Variants in BCL2L14 observed in about 807,000 individuals in gnomAD.
BCL2L14 encodes the protein apoptosis facilitator Bcl-2-like protein 14.
In BCL2L14, 27 loss-of-function variants were observed where a neutral mutation model predicts 35.3. The ratio of observed to expected loss-of-function variants is 0.76; its 90% CI spans 0.56 to 1.05. BCL2L14 has a LOEUF of 1.05. BCL2L14 is among the 50% of genes least tolerant of loss of function. The pLI is 0.00. For synonymous variants in BCL2L14, 139 were observed against 145.9 expected, an observed-to-expected ratio of 0.95 and a Z score of 0.34; for missense variants, 377 against 382.6, an observed-to-expected ratio of 0.99 and a Z score of 0.12.
At chr12:12,068,056 G>T, upstream of BCL2L14, 1 of 393,828 alleles carries the variant, frequency 2.5e-6, no homozygotes, top group Non-Finnish European at 4.5e-6. Context: ...CAATCCTCCC[G>T]CCTCAGTCTC....
chr12:12,089,699 C>T (rs1223956153), intron 3 of BCL2L14, among the ~76,000 whole-genome samples: 4 of 152,146 alleles, frequency 2.6e-5, no homozygotes, highest in Admixed American at 2.6e-4. Context: ...CTCACATACT[C>T]CACTGCACCC....
chr12:12,077,385 A>G (rs1453070082), intron 1 of BCL2L14, among the ~76,000 whole-genome samples: 5 of 152,058 alleles, frequency 3.3e-5, no homozygotes, highest in Non-Finnish European at 7.4e-5. Context: ...CTAAAAGACA[A>G]AACAAAAAAA....
intron 2 of BCL2L14, among the ~76,000 whole-genome samples, chr12:12,084,757 T>C (rs927094889): frequency 6.6e-6 from 1 of 152,130 alleles, no homozygotes; most frequent in African/African-American, 2.4e-5. Context: ...TGCTTATAGT[T>C]TCTCCTGGAC....
intron 2 of BCL2L14, among the ~76,000 whole-genome samples, chr12:12,063,178 C>T (rs1463564805): frequency 6.7e-6 from 1 of 149,394 alleles, no homozygotes; most frequent in African/African-American, 2.5e-5. Flanking sequence ...ATCATACATG[C>T]CCTGCTCTTG....
upstream of BCL2L14, among the ~76,000 whole-genome samples, chr12:12,070,313 G>C (rs1416163871): frequency 6.6e-6 from 1 of 152,226 alleles, no homozygotes; most frequent in Non-Finnish European, 1.5e-5. Context: ...TCCGTAGCAA[G>C]ATACTTCACC....
At chr12:12,087,587 A>T (rs1949075704) in intron 3 of BCL2L14, among the ~76,000 whole-genome samples, 1 of 152,226 alleles carries the variant, frequency 6.6e-6, no homozygotes, top group African/African-American at 2.4e-5. Context: ...TTGAAAAAAC[A>T]TTCCCAGCTC....
chr12:12,084,206 G>A (rs1315236466), intron 2 of BCL2L14, among the ~76,000 whole-genome samples: 2 of 152,110 alleles, frequency 1.3e-5, no homozygotes, highest in Non-Finnish European at 2.9e-5. Context: ...TGATGGCCTC[G>A]CCTTGGCCTC....
At chr12:12,067,562 A>G (rs1192803330), upstream of BCL2L14, among the ~76,000 whole-genome samples, 1 of 152,114 alleles carries the variant, frequency 6.6e-6, no homozygotes, top group African/African-American at 2.4e-5. Flanking sequence ...AGAAAAAAAA[A>G]GAATCATCCT....
intron 2 of BCL2L14, chr12:12,055,834 A>G (rs973092997): frequency 3.0e-4 from 45 of 152,056 alleles, no homozygotes; most frequent in Admixed American, 2.9e-3. Context: ...GGCCTATCAC[A>G]CCCTTTCATA....
Position 12,084,947 on chromosome 12 carries a change from G to A in BCL2L14, c.434-2266G>A, listed in dbSNP as rs528299507. Among the ~76,000 whole-genome samples, 395 of 151,584 alleles carry A rather than the reference G, an allele frequency of 2.6e-3. 4 individuals carry two copies. Among genetic ancestry groups the A allele is most frequent in the African/African-American group, 9.1e-3 (378 of 41,346 alleles). ...AAATTAGCTGGACGTAGTGGCGGGAGCCACTACGTCCTGTAATCCCAGCTA... is the reference window on the plus strand; with the variant it reads ...AAATTAGCTGGACGTAGTGGCGGGAACCACTACGTCCTGTAATCCCAGCTA... On this transcript the variant is annotated intron_variant, in intron 2 of 5. Coordinates refer to ENST00000308721, the MANE Select transcript of BCL2L14 (RefSeq NM_138723.2).
intron 1 of BCL2L14, chr12:12,071,351 T>G (rs1948666662): frequency 6.6e-6 from 1 of 152,220 alleles, no homozygotes; most frequent in Non-Finnish European, 1.5e-5. Flanking sequence ...TATTTAGGTT[T>G]CTCTTTCATT....
chr12:12,074,120 G>A (rs1948729428), intron 1 of BCL2L14, among the ~76,000 whole-genome samples: 1 of 152,056 alleles, frequency 6.6e-6, no homozygotes, highest in South Asian at 2.1e-4. Flanking sequence ...TTATATATTA[G>A]TCTCATGATA....
chr12:12,071,988 G>A (rs1465679077), intron 1 of BCL2L14: 1 of 152,106 alleles, frequency 6.6e-6, no homozygotes, highest in African/African-American at 2.4e-5. Context: ...GCTCCGTGGG[G>A]ATGAGTGTCA....
chr12:12,095,328 G>A, intron 5 of BCL2L14: 1 of 985,426 alleles, frequency 1.0e-6, no homozygotes, highest in Non-Finnish European at 1.2e-6. Context: ...AGAGGTCACG[G>A]AGACTAAGCC....
chr12:12,056,696 G>A (rs1445640436), intron 2 of BCL2L14, among the ~76,000 whole-genome samples: 1 of 152,200 alleles, frequency 6.6e-6, no homozygotes, highest in African/African-American at 2.4e-5. Flanking sequence ...AGCTGGGCGT[G>A]GTGGTAGGCG....
chr12:12,092,804 G>A (rs1054637615), intron 4 of BCL2L14, among the ~76,000 whole-genome samples: 3 of 152,128 alleles, frequency 2.0e-5, no homozygotes, highest in Admixed American at 6.5e-5. Context: ...GGTGGGCGTG[G>A]TTCAGGGAAA....
chr12:12,070,775 A>G (rs1474769828), upstream of BCL2L14, among the ~76,000 whole-genome samples: 1 of 152,202 alleles, frequency 6.6e-6, no homozygotes, highest in Non-Finnish European at 1.5e-5. Context: ...ATAGTAAAGA[A>G]GTATCAGAAC....
chr12:12,099,244 T>C lies in BCL2L14; in HGVS notation c.*256T>C. 1 of 490,076 alleles carries C rather than the reference T, an allele frequency of 2.0e-6. No homozygotes were observed. Among genetic ancestry groups the C allele is most frequent in the South Asian group, 2.4e-5 (1 of 41,108 alleles). 30.4% of individuals were successfully genotyped at this position (490,076 alleles called of 1,614,324 possible). ...ACCTGAGGAAATCTGTAAAGATAAG[T>C]GGTGATGTTGTTTCAAACGTTCAGA... is the stretch of plus-strand genomic sequence containing the variant. On this transcript the variant is annotated 3_prime_UTR_variant, in exon 6 of 6. Coordinates refer to ENST00000308721, the MANE Select transcript of BCL2L14 (RefSeq NM_138723.2).
chr12:12,093,198 T>C (rs1376477178), intron 4 of BCL2L14, among the ~76,000 whole-genome samples: 1 of 152,128 alleles, frequency 6.6e-6, no homozygotes, highest in Admixed American at 6.5e-5. Context: ...GGGAAAGAAA[T>C]CAATGAATTG....
Sources: gnomAD v4.1 joint callset for allele counts (sites outside exome capture counted in the v4.1 genomes callset) on GRCh38, gnomAD v4.1.1 for gene constraint, MANE v1.5 for transcripts, NCBI Gene and HGNC (gene_info 2026-07-23, HGNC 2026-07-21) for gene names.